DGKB: variants seen among roughly 807,000 people sequenced by gnomAD.
The protein encoded by DGKB is 90 kDa diacylglycerol kinase.
In DGKB, 67 loss-of-function variants were observed where a neutral mutation model predicts 114.3. The observed-to-expected ratio is 0.59, with a 90% CI of 0.48 to 0.72. The LOEUF (loss-of-function observed/expected upper bound fraction) is 0.72, where lower values mean the gene tolerates loss of function less well. Among genes scored for constraint, DGKB ranks in the 30% least tolerant of loss-of-function variants. DGKB has a pLI of 0.00. For missense variants in DGKB, 907 were observed against 975.2 expected, an observed-to-expected ratio of 0.93 and a Z score of 0.93; for synonymous variants, 398 against 323.1, an observed-to-expected ratio of 1.23 and a Z score of -2.49.
chr7:14,676,116 T>G (rs17667768), intron 12 of DGKB, among the ~76,000 whole-genome samples: 6,552 of 152,196 alleles, frequency 0.043, 211 homozygotes, highest in Non-Finnish European at 0.065. Context: ...CTCTAAATCA[T>G]AAAGTCTATT....
chr7:14,270,101 C>T (rs1274858843), intron 23 of DGKB, among the ~76,000 whole-genome samples: 7 of 142,490 alleles, frequency 4.9e-5, no homozygotes, highest in East Asian at 2.1e-4. Flanking sequence ...ATGCACTTCA[C>T]GATAAGGGAG....
chr7:14,906,447 CTTTTTTTT>C (rs34250901), upstream of DGKB, among the ~76,000 whole-genome samples: 25,121 of 104,470 alleles, frequency 0.24, 3,659 homozygotes, highest in East Asian at 0.58. Context: ...TTTTTTCTGT[CTTTTTTTT>C]TTTTTTTTTT....
At chr7:14,310,950 G>A (rs1805290406) in intron 23 of DGKB, among the ~76,000 whole-genome samples, 1 of 151,882 alleles carries the variant, frequency 6.6e-6, no homozygotes, top group Non-Finnish European at 1.5e-5. Context: ...GGAACACAGT[G>A]AGACCTCGTC....
chr7:14,868,172 A>T (rs1851948396), intron 1 of DGKB, among the ~76,000 whole-genome samples: 1 of 152,062 alleles, frequency 6.6e-6, no homozygotes, highest in African/African-American at 2.4e-5. Context: ...TCTTTCACTG[A>T]CAATAATGTG....
At chr7:14,830,048 C>A (rs1032304982) in intron 2 of DGKB, among the ~76,000 whole-genome samples, 2 of 152,012 alleles carry the variant, frequency 1.3e-5, no homozygotes, top group Admixed American at 6.6e-5. Flanking sequence ...GGACCATTAT[C>A]TTTAATTCTG....
At chr7:14,257,944 T>A (rs1584769436) in intron 23 of DGKB, among the ~76,000 whole-genome samples, 1 of 152,254 alleles carries the variant, frequency 6.6e-6, no homozygotes, top group Admixed American at 6.5e-5. Context: ...GCTAGGCTGG[T>A]CCTGAACTCC....
intron 2 of DGKB, among the ~76,000 whole-genome samples, chr7:14,822,669 A>C (rs1459210121): frequency 6.6e-6 from 1 of 152,148 alleles, no homozygotes; most frequent in African/African-American, 2.4e-5. Flanking sequence ...GGTTGATAGA[A>C]TCATAGAGAA....
intron 23 of DGKB, among the ~76,000 whole-genome samples, chr7:14,272,786 C>G (rs563325515): frequency 6.6e-6 from 1 of 152,132 alleles, no homozygotes; most frequent in African/African-American, 2.4e-5. Context: ...TTTCACTTAT[C>G]TTGCAGAAAT....
intron 23 of DGKB, among the ~76,000 whole-genome samples, chr7:14,290,320 G>T (rs958707554): frequency 6.6e-6 from 1 of 151,544 alleles, no homozygotes; most frequent in Non-Finnish European, 1.5e-5. Flanking sequence ...ATTTTTATTT[G>T]TTTTTTTTCC....
At chr7:14,167,313 T>G (rs1359732206) in intron 25 of DGKB, among the ~76,000 whole-genome samples, 5 of 152,150 alleles carry the variant, frequency 3.3e-5, no homozygotes, top group African/African-American at 4.8e-5. Context: ...GGAGACATCT[T>G]TTCTCTGACT....
At chr7:14,738,290 G>A (rs1418040338) in intron 4 of DGKB, among the ~76,000 whole-genome samples, 2 of 152,222 alleles carry the variant, frequency 1.3e-5, no homozygotes, top group Non-Finnish European at 2.9e-5. Context: ...ATATTCACAA[G>A]CATTGTGGTT....
chr7:14,464,185 T>C (rs1833506512), intron 21 of DGKB, among the ~76,000 whole-genome samples: 1 of 152,128 alleles, frequency 6.6e-6, no homozygotes, highest in African/African-American at 2.4e-5. Flanking sequence ...GAAAACAGGC[T>C]AAAGCATCCA....
chr7:14,559,435 C>A (rs908073762), intron 20 of DGKB, among the ~76,000 whole-genome samples: 4 of 152,102 alleles, frequency 2.6e-5, no homozygotes, highest in African/African-American at 9.7e-5. Flanking sequence ...TCAAAAAACC[C>A]TCTGTAAAGG....
chr7:14,257,438 T>A lies in DGKB; in HGVS notation c.2123-79287A>T, dbSNP rs142046563. ...AACCAACGGACTATGATGTGTGATA[T>A]GGTTTGGCTGTGTCCCCACTCAAAT... is the stretch of plus-strand genomic sequence containing the variant. On this transcript the variant is annotated intron_variant, in intron 23 of 25. Transcript: ENST00000402815. Among the ~76,000 whole-genome samples, 450 of 152,182 alleles carry A rather than the reference T, an allele frequency of 3.0e-3. 3 individuals carry two copies. The highest frequency in any genetic ancestry group is 0.01 in the African/African-American group (431 of 41,530).
At chr7:14,309,337 A>G (rs956372721) in intron 23 of DGKB, among the ~76,000 whole-genome samples, 1 of 152,218 alleles carries the variant, frequency 6.6e-6, no homozygotes, top group African/African-American at 2.4e-5. Context: ...GAATGGTTCT[A>G]TGTAAAAGCA....
intron 17 of DGKB, among the ~76,000 whole-genome samples, chr7:14,595,353 G>A (rs78175105): frequency 0.016 from 2,470 of 151,902 alleles, 77 homozygotes; most frequent in African/African-American, 0.056. Context: ...GTGTAAATTC[G>A]GGAAAAAGGG....
intron 2 of DGKB, among the ~76,000 whole-genome samples, chr7:14,816,102 G>A (rs562115635): frequency 7.2e-5 from 11 of 152,210 alleles, no homozygotes; most frequent in South Asian, 2.1e-4. Flanking sequence ...AGGACGAGGC[G>A]GGCAGATCAC....
intron 1 of DGKB, among the ~76,000 whole-genome samples, chr7:14,938,470 T>C (rs1367657342): frequency 2.0e-5 from 3 of 152,170 alleles, no homozygotes; most frequent in Admixed American, 2.0e-4. Context: ...TCTGATAAAA[T>C]GTATAAACAA....
At chr7:14,278,716 T>C (rs1799402542) in intron 23 of DGKB, among the ~76,000 whole-genome samples, 2 of 151,848 alleles carry the variant, frequency 1.3e-5, no homozygotes, top group Non-Finnish European at 2.9e-5. Context: ...TGGAAGAAAA[T>C]ACCTGCAAAT....
Sources: gnomAD v4.1 joint callset for allele counts (sites outside exome capture counted in the v4.1 genomes callset) on GRCh38, gnomAD v4.1.1 for gene constraint, MANE v1.5 for transcripts, NCBI Gene and HGNC (gene_info 2026-07-23, HGNC 2026-07-21) for gene names.